Variants in SH3GLB2 observed in about 807,000 individuals in gnomAD.
The protein encoded by SH3GLB2 is SH3 domain containing GRB2 like, endophilin B2.
In SH3GLB2, 24 loss-of-function variants were observed where a neutral mutation model predicts 48.0. That is an observed-to-expected ratio of 0.50 (90% CI 0.36 to 0.70). SH3GLB2 has a LOEUF of 0.70. Ranked by LOEUF, SH3GLB2 falls within the 30% of genes least tolerant of loss-of-function variation. The pLI is 0.00. For synonymous variants in SH3GLB2, 227 were observed against 207.6 expected (o/e 1.09, Z -0.80); for missense variants, 425 against 516.0 (o/e 0.82, Z 1.71).
chr9:129,019,836 TG>T (rs1455325963), intron 3 of SH3GLB2, among the ~76,000 whole-genome samples: 3 of 147,942 alleles, frequency 2.0e-5, no homozygotes, highest in Non-Finnish European at 4.5e-5. Context: ...AATTTTAAAA[TG>T]AAAAAAAAAA....
rs547054567 is a variant in SH3GLB2, at chr9:129,008,662, C to T, written c.*22G>A. ...ATCCTCTCCTGCCTAGGCCAGAATG[C>T]GGGGGGGATGGGGGCACCTGCCTAG... On this transcript the variant is annotated 3_prime_UTR_variant, in exon 11 of 11. Transcript: ENST00000372564. The T allele has an allele frequency of 1.8e-5, 28 of 1,583,720 alleles. No homozygotes were observed. Among genetic ancestry groups the T allele is most frequent in the African/African-American group, 9.4e-5 (7 of 74,422 alleles).
chr9:129,012,920 A>G (rs1423723197), intron 5 of SH3GLB2: 2 of 1,517,498 alleles, frequency 1.3e-6, no homozygotes, highest in South Asian at 2.4e-5. Flanking sequence ...AAAATGCCCC[A>G]AGGACGTGGG....
At position 129,014,670 on chromosome 9, in the gene SH3GLB2, G is replaced by C; in HGVS notation, c.468+101C>G. 1 of 1,538,518 alleles carries C rather than the reference G, an allele frequency of 6.5e-7. No individual in the cohort carries two copies. Among genetic ancestry groups the C allele is most frequent in the Non-Finnish European group, 8.8e-7 (1 of 1,135,814 alleles). On this transcript the variant is annotated intron_variant, in intron 4 of 10. Transcript: ENST00000372564. The surrounding 1 kb of genome is among the most constrained non-coding windows in gnomAD (Gnocchi z 4.1). ...GGAGCCCTCTCTGGGGAGGCCTCAG[G>C]AGTTTTGTAGCCCCAGCACTGGAAG...
chr9:129,017,622 C>T (rs774641561), intron 3 of SH3GLB2, among the ~76,000 whole-genome samples: 3 of 151,542 alleles, frequency 2.0e-5, no homozygotes, highest in Non-Finnish European at 4.4e-5. Context: ...AAAAATACGC[C>T]GGGTGTGATG....
intron 7 of SH3GLB2, 73 bp downstream of exon 7, chr9:129,010,597 C>T (rs1843056233): frequency 6.4e-7 from 1 of 1,552,776 alleles, no homozygotes; most frequent in African/African-American, 1.4e-5. Flanking sequence ...CAGATCAGAC[C>T]CCACAGCAGC....
chr9:129,016,727 G>A (rs1843449720), intron 3 of SH3GLB2, among the ~76,000 whole-genome samples: 1 of 151,814 alleles, frequency 6.6e-6, no homozygotes, highest in African/African-American at 2.4e-5. Context: ...GTAACCACGA[G>A]AGAGTTAACG....
chr9:129,028,049 G>A (rs1245215899), intron 1 of SH3GLB2, 43 bp downstream of exon 1: 3 of 1,487,460 alleles, frequency 2.0e-6, no homozygotes, highest in Non-Finnish European at 2.7e-6. Flanking sequence ...CCCGCCCGCC[G>A]CACATCCGGG....
intron 1 of SH3GLB2, among the ~76,000 whole-genome samples, chr9:129,024,024 C>T (rs1414558674): frequency 6.6e-6 from 1 of 152,152 alleles, no homozygotes; most frequent in Non-Finnish European, 1.5e-5. Flanking sequence ...CCTGAGAGCC[C>T]CTGCCTGGAG....
At chr9:129,008,884 GC>G in intron 10 of SH3GLB2, 93 bp from the exon 11 acceptor site, 1 of 1,338,494 alleles carries the variant, frequency 7.5e-7, no homozygotes. Context: ...CCTCCCCATG[GC>G]CCGTGGCATG....
In SH3GLB2 at chr9:129,011,531, G is replaced by A. The variant is rs908085893; in HGVS notation, c.624+705C>T. On this transcript the variant is annotated intron_variant, in intron 6 of 10. Transcript: ENST00000372564. This position sits in a 1 kb window ranked among gnomAD's most constrained non-coding sequence, Gnocchi z 4.5. ...TCCAGGGGCGGGAAGGAGAGAAAGTGGGCAGACAAGGTGTAGCAGTGGTGA... is the reference window on the plus strand; with the variant it reads ...TCCAGGGGCGGGAAGGAGAGAAAGTAGGCAGACAAGGTGTAGCAGTGGTGA... 6.6e-6 allele frequency: 1 copy of A among 152,364 alleles called. No homozygotes were observed. The highest frequency in any genetic ancestry group is 1.9e-4 in the East Asian group (1 of 5,194). 9.4% of individuals were successfully genotyped at this position (152,364 alleles called of 1,614,324 possible).
chr9:129,021,097 G>T lies in SH3GLB2; in HGVS notation c.328C>A (p.Pro110Thr). The T allele has an allele frequency of 6.2e-7, 1 of 1,608,028 alleles. No individual in the cohort carries two copies. Among genetic ancestry groups the T allele is most frequent in the South Asian group, 1.1e-5 (1 of 90,500 alleles). ...DAASELGPTT[P>T]YGKTLIKVAE... ...GGCTGTGAGGCCTGCTCACCATAGGGGGTGGTCGGCCCCAGCTCACTGGCC... is the reference window on the plus strand; with the variant it reads ...GGCTGTGAGGCCTGCTCACCATAGGTGGTGGTCGGCCCCAGCTCACTGGCC... Residue 110 changes from proline (P) to threonine (T), a missense_variant, in exon 3 of 11, where the codon CCC becomes ACC. By Grantham distance (38) the Pro-to-Thr change is conservative (BLOSUM62 -1). Coordinates refer to ENST00000372564, the MANE Select transcript of SH3GLB2 (RefSeq NM_020145.4).
chr9:129,011,695 C>G lies in SH3GLB2; in HGVS notation c.624+541G>C, dbSNP rs1174389088. ...GTCCTCCCCACCTCCTGCCCCAACT[C>G]CCCTGGGGGCCCTGCCTAAGCCTCA... On this transcript the variant is annotated intron_variant, in intron 6 of 10. Coordinates refer to ENST00000372564, the MANE Select transcript of SH3GLB2 (RefSeq NM_020145.4). This position sits in a 1 kb window ranked among gnomAD's most constrained non-coding sequence, Gnocchi z 4.5. 1 of 153,362 alleles carries G rather than the reference C, an allele frequency of 6.5e-6. No individual in the cohort carries two copies. Among genetic ancestry groups the G allele is most frequent in the East Asian group, 1.9e-4 (1 of 5,224 alleles). 9.5% of individuals were successfully genotyped at this position (153,362 alleles called of 1,614,324 possible).
intron 3 of SH3GLB2, 24 bp downstream of exon 3, chr9:129,021,067 T>A (rs1350110438): frequency 1.3e-6 from 2 of 1,558,468 alleles, no homozygotes; most frequent in South Asian, 2.4e-5. Flanking sequence ...TGACCCCTAG[T>A]CCCTGGCTGT....
Position 129,008,060 on chromosome 9 carries a change from G to A in SH3GLB2, c.*624C>T, listed in dbSNP as rs1842862965. The A allele has an allele frequency of 6.5e-6, 1 of 153,206 alleles. No individual in the cohort carries two copies. The highest frequency in any genetic ancestry group is 2.4e-5 in the African/African-American group (1 of 41,438). The allele number at this position is 153,206 out of a possible 1,614,324, so 9.5% of individuals were successfully genotyped here. A position where few individuals can be genotyped will look rare whatever the true frequency, so the allele number is the denominator to read the frequency against. ...GACTCGCACACAAGGACGGTTTATTGGCTAGAGAGCAAACGCAGGCAGAAG... is the reference window on the plus strand; with the variant it reads ...GACTCGCACACAAGGACGGTTTATTAGCTAGAGAGCAAACGCAGGCAGAAG... On this transcript the variant is annotated 3_prime_UTR_variant, in exon 11 of 11. Coordinates refer to ENST00000372564, the MANE Select transcript of SH3GLB2 (RefSeq NM_020145.4).
rs1399942894 is a variant in SH3GLB2, at chr9:129,014,022, G to C, written c.561+389C>G. On this transcript the variant is annotated intron_variant, in intron 5 of 10. Transcript: ENST00000372564. This position sits in a 1 kb window ranked among gnomAD's most constrained non-coding sequence, Gnocchi z 4.1. The stretch of plus-strand genomic sequence containing the variant: ...CATCGTGGGGGCGCCTGAGCACAGG[G>C]ACCCTCGGCCTGACGTTCAAGCAGC... 1 of 474,812 alleles carries C rather than the reference G, an allele frequency of 2.1e-6. No homozygotes were observed. Among genetic ancestry groups the C allele is most frequent in the Admixed American group, 2.3e-5 (1 of 43,058 alleles). 29.4% of individuals were successfully genotyped at this position (474,812 alleles called of 1,614,324 possible).
In SH3GLB2 at chr9:129,009,149, T is replaced by C. The variant is rs750358752; in HGVS notation, c.1037A>G (p.Tyr346Cys). The change falls in exon 10 of 11, where the codon TAC becomes TGC. Residue 346 changes from tyrosine (Y) to cysteine (C), a missense_variant. Coordinates refer to ENST00000372564, the MANE Select transcript of SH3GLB2 (RefSeq NM_020145.4). ...CAGCTCACTGCTGTCGGCTGCCTCG[T>C]AGTCATAGAGCACCCGAGCTTTGCG... ...GTRKARVLYD[Y>C]EAADSSELAL... 11 of 1,611,336 alleles carry C rather than the reference T, an allele frequency of 6.8e-6. No individual in the cohort carries two copies. Among genetic ancestry groups the C allele is most frequent in the Admixed American group, 1.7e-5 (1 of 59,976 alleles).
At chr9:129,027,905 G>A (rs1844255231) in intron 1 of SH3GLB2, among the ~76,000 whole-genome samples, 187 bp downstream of exon 1, 1 of 152,248 alleles carries the variant, frequency 6.6e-6, no homozygotes, top group Non-Finnish European at 1.5e-5. Flanking sequence ...CCAAGGCCCG[G>A]CTCGGGCCGC....
intron 6 of SH3GLB2, 96 bp from the exon 7 acceptor site, chr9:129,010,789 TTCTGCCCCCCTGCCCC>T: frequency 2.0e-6 from 3 of 1,489,998 alleles, no homozygotes; most frequent in South Asian, 1.2e-5. Context: ...CAGACTCAAC[TTCTGCCCCCCTGCCCC>T]TCTGCCCCCC....
intron 6 of SH3GLB2, 182 bp downstream of exon 6, chr9:129,012,054 C>T (rs960680299): frequency 4.9e-6 from 2 of 408,022 alleles, no homozygotes; most frequent in African/African-American, 2.1e-5. Flanking sequence ...GGCACCGGGG[C>T]CAGGCCGTGG....
Sources: allele counts gnomAD v4.1 joint callset (sites outside exome capture counted in the v4.1 genomes callset), GRCh38; gene constraint gnomAD v4.1.1; non-coding constraint Gnocchi (gnomAD v3.1); transcripts MANE v1.5; gene names NCBI Gene and HGNC (gene_info 2026-07-23, HGNC 2026-07-21).